GUCY1A1: variants seen among roughly 807,000 people sequenced by gnomAD.
GUCY1A1 encodes the protein guanylate cyclase 1 soluble subunit alpha 1.
Under a neutral mutation model 64.5 loss-of-function variants are expected in GUCY1A1, and 48 were observed. The observed-to-expected ratio is 0.74, with a 90% CI of 0.59 to 0.95. The LOEUF is 0.95. GUCY1A1 is among the 40% of genes least tolerant of loss of function. The pLI is 0.00. For synonymous variants in GUCY1A1, 308 were observed against 303.4 expected (o/e 1.02, Z -0.16); for missense variants, 804 against 825.3 (o/e 0.97, Z 0.32).
rs748927912 is a variant in GUCY1A1 at position 155,735,875 on chromosome 4, C to G, written c.*5644C>G. ...GCAACAGTGGTCTGGGAATTCTGGG[C>G]CTTTAGAAATAATCATTCCCAGTGA... On this transcript the variant is annotated 3_prime_UTR_variant, in exon 10 of 10. Coordinates refer to ENST00000506455, the MANE Select transcript of GUCY1A1 (RefSeq NM_001130682.3). The G allele has an allele frequency of 6.6e-6, 1 of 151,882 alleles. No individual in the cohort carries two copies. The highest frequency in any genetic ancestry group is 2.4e-5 in the African/African-American group (1 of 41,400). The allele number at this position is 151,882 out of a possible 1,614,324, so 9.4% of individuals were successfully genotyped here.
chr4:155,703,610 C>A (rs1731372116), intron 3 of GUCY1A1, among the ~76,000 whole-genome samples: 1 of 152,170 alleles, frequency 6.6e-6, no homozygotes. Flanking sequence ...CACTACCAAA[C>A]TGAAATCTTC....
At chr4:155,670,664 A>G (rs2126491424) in intron 2 of GUCY1A1, among the ~76,000 whole-genome samples, 1 of 152,016 alleles carries the variant, frequency 6.6e-6, no homozygotes, top group East Asian at 1.9e-4. Flanking sequence ...AACTTGAGGG[A>G]CTCTGGAGCA....
At chr4:155,676,607 T>G (rs1734982725) in intron 2 of GUCY1A1, among the ~76,000 whole-genome samples, 1 of 151,442 alleles carries the variant, frequency 6.6e-6, no homozygotes, top group African/African-American at 2.5e-5. Flanking sequence ...GTCTCAAGAA[T>G]TTTTGCTGCA....
chr4:155,704,555 G>C (rs929013677), intron 4 of GUCY1A1, among the ~76,000 whole-genome samples: 1 of 151,228 alleles, frequency 6.6e-6, no homozygotes, highest in Non-Finnish European at 1.5e-5. Flanking sequence ...AGGGTTCCGG[G>C]GGGTAGCAGC....
intron 1 of GUCY1A1, 58 bp from the exon 2 acceptor site, chr4:155,667,288 C>A: frequency 6.6e-6 from 1 of 152,408 alleles, no homozygotes. Flanking sequence ...ACTGCAGGGT[C>A]CCCTCTCCCG....
intron 2 of GUCY1A1, among the ~76,000 whole-genome samples, chr4:155,693,080 A>G (rs995117688): frequency 2.0e-5 from 3 of 151,934 alleles, no homozygotes; most frequent in Admixed American, 6.6e-5. Flanking sequence ...AAAAAAGTTC[A>G]TGCTTCATTA....
At chr4:155,686,552 G>A (rs1320583077) in intron 2 of GUCY1A1, among the ~76,000 whole-genome samples, 2 of 152,194 alleles carry the variant, frequency 1.3e-5, no homozygotes, top group Non-Finnish European at 2.9e-5. Flanking sequence ...TTAGAGACAG[G>A]ATTCCTTGTA....
intron 2 of GUCY1A1, among the ~76,000 whole-genome samples, chr4:155,692,169 C>T (rs773918778): frequency 6.6e-5 from 10 of 152,210 alleles, no homozygotes; most frequent in East Asian, 1.9e-4. Context: ...TGTATATGTA[C>T]GACATTTTCT....
chr4:155,673,766 G>A lies in GUCY1A1; in HGVS notation c.-113+6347G>A, dbSNP rs1001763992. Among the ~76,000 whole-genome samples the A allele has an allele frequency of 1.6e-4, 24 of 151,240 alleles. 1 individual carries two copies. Among genetic ancestry groups the A allele is most frequent in the South Asian group, 4.2e-4 (2 of 4,814 alleles). ...ACCACTTTTCCATTTCTAGCTTTTC[G>A]TTTCCCCTTGTTCAATCTTTGTGGG... On this transcript the variant is annotated intron_variant, in intron 2 of 9. Coordinates refer to ENST00000506455, the MANE Select transcript of GUCY1A1 (RefSeq NM_001130682.3).
At position 155,676,309 on chromosome 4, in the gene GUCY1A1, T is replaced by G. The variant is rs1233058634; in HGVS notation, c.-113+8890T>G. 6.2e-3 allele frequency among the ~76,000 whole-genome samples: 941 copies of G among 150,672 alleles called. 54 individuals are homozygous for G. Among genetic ancestry groups the G allele is most frequent in the African/African-American group, 0.022 (875 of 40,314 alleles). Reference sequence around the variant, plus strand: ...GTCCTAAGAAGAGCTGGTTTTTTTTTTTTTTTTTTTAACAATTTTGTTGCC... The same window carrying G: ...GTCCTAAGAAGAGCTGGTTTTTTTTGTTTTTTTTTTAACAATTTTGTTGCC... On this transcript the variant is annotated intron_variant, in intron 2 of 9. Transcript: ENST00000506455.
intron 9 of GUCY1A1, among the ~76,000 whole-genome samples, chr4:155,727,559 G>T (rs1354788109): frequency 6.6e-6 from 1 of 151,662 alleles, no homozygotes. Flanking sequence ...ATGTTGAGTT[G>T]CTGTAGATAG....
rs111966904 is a variant in GUCY1A1, at chr4:155,736,847, C to A, written c.*6616C>A. 14 of 151,586 alleles carry A rather than the reference C, an allele frequency of 9.2e-5. No homozygotes were observed. Among genetic ancestry groups the A allele is most frequent in the Admixed American group, 4.0e-4 (6 of 15,182 alleles). 9.4% of individuals were successfully genotyped at this position (151,586 alleles called of 1,614,324 possible). A position where few individuals can be genotyped will look rare whatever the true frequency, so the allele number is the denominator to read the frequency against. ...TGTATATGTAAATATAGCTATTGGA[C>A]CCTGCATTGAAAACCTTCTTAGTAC... is the stretch of plus-strand genomic sequence containing the variant. On this transcript the variant is annotated 3_prime_UTR_variant, in exon 10 of 10. Coordinates refer to ENST00000506455, the MANE Select transcript of GUCY1A1 (RefSeq NM_001130682.3).
In GUCY1A1 at chr4:155,711,005, G is replaced by T. The variant is rs781161276; in HGVS notation, c.840G>T (p.Ser280=). 2 of 1,613,710 alleles carry T rather than the reference G, an allele frequency of 1.2e-6. No homozygotes were observed. The highest frequency in any genetic ancestry group is 2.2e-5 in the East Asian group (1 of 44,880). Residue 280 remains serine, a synonymous_variant, in exon 6 of 10, where the codon TCG becomes TCT. Transcript: ENST00000506455. ...KPQSSLVIPT[S]LFCKTFPFHF... The stretch of plus-strand genomic sequence containing the variant: ...AGTCCTCGCTGGTGATTCCCACATC[G>T]CTATTCTGCAAGACATTTCCATTCC...
chr4:155,722,145 G>A lies in GUCY1A1; in HGVS notation c.1824G>A (p.Glu608=). 1 of 1,613,224 alleles carries A rather than the reference G, an allele frequency of 6.2e-7. No individual in the cohort carries two copies. ...ATGTCACTCTGGCTAACAAATTTGAGTCCTGCAGTGTACCACGAAAAATCA... is the reference window on the plus strand; with the variant it reads ...ATGTCACTCTGGCTAACAAATTTGAATCCTGCAGTGTACCACGAAAAATCA... The part of the protein sequence containing the change: ...GNNVTLANKF[E]SCSVPRKINV... The change falls in exon 9 of 10, where the codon GAG becomes GAA. Residue 608 remains glutamate, a synonymous_variant. Coordinates refer to ENST00000506455, the MANE Select transcript of GUCY1A1 (RefSeq NM_001130682.3).
At chr4:155,691,984 C>A (rs1247303645) in intron 2 of GUCY1A1, among the ~76,000 whole-genome samples, 1 of 152,082 alleles carries the variant, frequency 6.6e-6, no homozygotes, top group East Asian at 1.9e-4. Flanking sequence ...AGTGTTGTTC[C>A]CCTCTATGTG....
At chr4:155,709,045 A>C (rs1428531982) in intron 5 of GUCY1A1, among the ~76,000 whole-genome samples, 1 of 152,158 alleles carries the variant, frequency 6.6e-6, no homozygotes. Context: ...TTTTGCCAAC[A>C]AAAATAGCAT....
intron 2 of GUCY1A1, among the ~76,000 whole-genome samples, chr4:155,677,794 G>A (rs919091445): frequency 6.6e-6 from 1 of 152,106 alleles, no homozygotes; most frequent in Non-Finnish European, 1.5e-5. Context: ...GGAGGTTGCA[G>A]TGAGCCAAGT....
At chr4:155,702,763 C>A (rs1731257092) in intron 3 of GUCY1A1, among the ~76,000 whole-genome samples, 1 of 151,738 alleles carries the variant, frequency 6.6e-6, no homozygotes, top group Admixed American at 6.6e-5. Context: ...ATATTTAAAA[C>A]TAAAAGCCCT....
chr4:155,708,696 A>G (rs1732136659), intron 5 of GUCY1A1, among the ~76,000 whole-genome samples: 1 of 152,196 alleles, frequency 6.6e-6, no homozygotes, highest in South Asian at 2.1e-4. Context: ...AGTTTGAGAG[A>G]AAAAATTGAT....
Sources: allele counts gnomAD v4.1 joint callset (sites outside exome capture counted in the v4.1 genomes callset), GRCh38; gene constraint gnomAD v4.1.1; transcripts MANE v1.5; gene names NCBI Gene and HGNC (gene_info 2026-07-23, HGNC 2026-07-21).